ADGRA3: variants seen among roughly 807,000 people sequenced by gnomAD.
The protein encoded by ADGRA3 is G-protein coupled receptor 125.
ADGRA3 carries 56 observed loss-of-function variants against 119.8 expected under a neutral mutation model. The ratio of observed to expected loss-of-function variants is 0.47; its 90% CI spans 0.38 to 0.58. The LOEUF (loss-of-function observed/expected upper bound fraction) is 0.58. Among genes scored for constraint, ADGRA3 ranks in the 20% least tolerant of loss-of-function variants. The pLI is 0.00. For missense variants in ADGRA3, 1,516 were observed against 1,649.0 expected, an observed-to-expected ratio of 0.92 and a Z score of 1.40; for synonymous variants, 607 against 623.8, an observed-to-expected ratio of 0.97 and a Z score of 0.40.
At chr4:22,415,626 T>C (rs1393850229) in intron 12 of ADGRA3, among the ~76,000 whole-genome samples, 1 of 152,118 alleles carries the variant, frequency 6.6e-6, no homozygotes, top group Non-Finnish European at 1.5e-5. Context: ...ACTCAAGTAC[T>C]ATAAAATTCA....
intron 2 of ADGRA3, among the ~76,000 whole-genome samples, chr4:22,464,212 T>C (rs997066612): frequency 2.0e-5 from 3 of 152,210 alleles, no homozygotes; most frequent in South Asian, 2.1e-4. Flanking sequence ...AGGTATTTCA[T>C]TAATCAGAAT....
intron 17 of ADGRA3, among the ~76,000 whole-genome samples, chr4:22,390,844 T>C (rs982601031): frequency 6.6e-6 from 1 of 152,104 alleles, no homozygotes; most frequent in African/African-American, 2.4e-5. Flanking sequence ...CAGAACCTTA[T>C]AGGAATGAAC....
rs1332569517 is a variant in ADGRA3 at position 22,424,178 on chromosome 4, A to AT, written c.1605+12dup. 4.4e-6 allele frequency: 7 copies of AT among 1,602,316 alleles called. No individual in the cohort carries two copies. Among genetic ancestry groups the AT allele is most frequent in the Non-Finnish European group, 6.0e-6 (7 of 1,173,090 alleles). On this transcript the variant is annotated intron_variant, in intron 11 of 18. Coordinates refer to ENST00000334304, the MANE Select transcript of ADGRA3 (RefSeq NM_145290.4). ...CTTTTTTTCTCAGGAGTCTATGATA[A>AT]TGTTACACTTACTGTTGAATAAACG...
In ADGRA3 at chr4:22,402,704, G is replaced by C; in HGVS notation, c.2328C>G (p.Ala776=). The change falls in exon 15 of 19, where the codon GCC becomes GCG. Residue 776 remains alanine (A), a synonymous_variant. Coordinates refer to ENST00000334304, the MANE Select transcript of ADGRA3 (RefSeq NM_145290.4). ...TAIILLLCLL[A]VIVSYIYHHS... ...GATGGTATATGTAACTGACAATGACGGCTAAGAGACATAAGAGGAGAATGA... is the reference window on the plus strand; with the variant it reads ...GATGGTATATGTAACTGACAATGACCGCTAAGAGACATAAGAGGAGAATGA... 4 of 1,613,710 alleles carry C rather than the reference G, an allele frequency of 2.5e-6. No homozygotes were observed. The highest frequency in any genetic ancestry group is 3.4e-6 in the Non-Finnish European group (4 of 1,179,724).
Position 22,515,816 on chromosome 4 carries a change from G to T in ADGRA3, c.-32C>A. On this transcript the variant is annotated 5_prime_UTR_variant, in exon 1 of 19. Coordinates refer to ENST00000334304, the MANE Select transcript of ADGRA3 (RefSeq NM_145290.4). ...GGCCGGGGCCTGCGGGGCGAGCGGCGGCGCACTGGCCTAGCGGGCCGCCCC... is the reference window on the plus strand; with the variant it reads ...GGCCGGGGCCTGCGGGGCGAGCGGCTGCGCACTGGCCTAGCGGGCCGCCCC... The T allele has an allele frequency of 4.0e-6, 4 of 988,074 alleles. No individual in the cohort carries two copies. The highest frequency in any genetic ancestry group is 4.6e-5 in the South Asian group (1 of 21,792). 61.2% of individuals were successfully genotyped at this position (988,074 alleles called of 1,614,324 possible).
chr4:22,398,674 GACTT>G (rs1714476152), intron 16 of ADGRA3, among the ~76,000 whole-genome samples: 1 of 151,536 alleles, frequency 6.6e-6, no homozygotes, highest in African/African-American at 2.4e-5. Context: ...TAATTTATCG[GACTT>G]ACTTTTCAAC....
chr4:22,491,555 T>G (rs1440259117), intron 1 of ADGRA3, among the ~76,000 whole-genome samples: 1 of 152,088 alleles, frequency 6.6e-6, no homozygotes, highest in South Asian at 2.1e-4. Flanking sequence ...GAGAGAATGC[T>G]CCCACCCACG....
At chr4:22,434,783 G>A (rs907982995) in intron 10 of ADGRA3, among the ~76,000 whole-genome samples, 10 of 152,124 alleles carry the variant, frequency 6.6e-5, no homozygotes, top group African/African-American at 2.4e-4. Context: ...ATGTGGTCCC[G>A]TTAAGTTAAA....
chr4:22,488,650 T>A (rs1718521274), intron 1 of ADGRA3, among the ~76,000 whole-genome samples: 1 of 152,146 alleles, frequency 6.6e-6, no homozygotes, highest in African/African-American at 2.4e-5. Flanking sequence ...AGTCTGCTTT[T>A]AAGGACATGG....
At chr4:22,423,555 A>C (rs1021313217) in intron 11 of ADGRA3, among the ~76,000 whole-genome samples, 2 of 152,224 alleles carry the variant, frequency 1.3e-5, no homozygotes, top group African/African-American at 4.8e-5. Context: ...GCAGTATATC[A>C]AGAAATTTAC....
intron 11 of ADGRA3, 63 bp from the exon 12 acceptor site, chr4:22,421,152 AAG>A (rs1200725989): frequency 7.1e-7 from 1 of 1,401,478 alleles, no homozygotes; most frequent in Non-Finnish European, 1.0e-6. Context: ...AGCACTTTCA[AAG>A]ACTTTTCAAA....
chr4:22,443,073 T>C, intron 6 of ADGRA3: 1 of 683,866 alleles, frequency 1.5e-6, no homozygotes. Flanking sequence ...TCATAACCAG[T>C]TCTGACATTT....
At chr4:22,408,785 G>T (rs1715061368) in intron 14 of ADGRA3, among the ~76,000 whole-genome samples, 1 of 152,124 alleles carries the variant, frequency 6.6e-6, no homozygotes, top group Non-Finnish European at 1.5e-5. Flanking sequence ...TTTCACTCCT[G>T]AGTGTACATG....
At chr4:22,426,137 G>A (rs1407725213) in intron 10 of ADGRA3, among the ~76,000 whole-genome samples, 2 of 151,930 alleles carry the variant, frequency 1.3e-5, no homozygotes, top group Non-Finnish European at 1.5e-5. Flanking sequence ...CTTTTAAGAT[G>A]ATAGACTCTA....
At chr4:22,451,386 A>G (rs1470303715) in intron 4 of ADGRA3, among the ~76,000 whole-genome samples, 1 of 152,154 alleles carries the variant, frequency 6.6e-6, no homozygotes, top group Non-Finnish European at 1.5e-5. Context: ...GGCTTCACAG[A>G]AGTCCATTAT....
At chr4:22,415,954 C>CA (rs1056075476) in intron 12 of ADGRA3, among the ~76,000 whole-genome samples, 7 of 152,074 alleles carry the variant, frequency 4.6e-5, no homozygotes, top group Non-Finnish European at 7.4e-5. Flanking sequence ...AAGTCCAATA[C>CA]AAACATTACT....
intron 2 of ADGRA3, among the ~76,000 whole-genome samples, chr4:22,465,703 C>T (rs1231821712): frequency 1.3e-5 from 2 of 152,128 alleles, no homozygotes; most frequent in Admixed American, 6.5e-5. Context: ...TTAAGAAATT[C>T]GGCCAAGTTG....
intron 7 of ADGRA3, among the ~76,000 whole-genome samples, chr4:22,439,392 G>A (rs1716521301): frequency 6.6e-6 from 1 of 152,180 alleles, no homozygotes; most frequent in Non-Finnish European, 1.5e-5. Flanking sequence ...AGGAGCAAAT[G>A]TCAGAGCCTT....
intron 7 of ADGRA3, among the ~76,000 whole-genome samples, chr4:22,440,151 T>G (rs189208989): frequency 6.6e-6 from 1 of 152,132 alleles, no homozygotes; most frequent in Non-Finnish European, 1.5e-5. Flanking sequence ...CTGTCCAAAG[T>G]CCAGCATCCC....
Sources: gnomAD v4.1 joint callset for allele counts (sites outside exome capture counted in the v4.1 genomes callset) on GRCh38, gnomAD v4.1.1 for gene constraint, MANE v1.5 for transcripts, NCBI Gene and HGNC (gene_info 2026-07-23, HGNC 2026-07-21) for gene names.